EVC2: variants seen among roughly 807,000 people sequenced by gnomAD.
The protein encoded by EVC2 is limbin.
EVC2 carries 148 observed loss-of-function variants against 149.3 expected under a neutral mutation model. That is an observed-to-expected ratio of 0.99 (90% CI 0.87 to 1.14). The LOEUF is 1.14. EVC2 is among the 50% of genes most tolerant of loss of function. The pLI is 0.00. For missense variants in EVC2, 1,854 were observed against 1,627.3 expected (o/e 1.14, Z -2.40); for synonymous variants, 776 against 649.9 (o/e 1.19, Z -2.95).
intron 19 of EVC2, among the ~76,000 whole-genome samples, chr4:5,572,624 T>C (rs931033264): frequency 1.3e-5 from 2 of 152,224 alleles, no homozygotes; most frequent in Non-Finnish European, 2.9e-5. Context: ...AGAAAATTGA[T>C]AAAGAATTTC....
intron 17 of EVC2, among the ~76,000 whole-genome samples, chr4:5,580,712 G>A (rs1016895232): frequency 1.3e-5 from 2 of 152,174 alleles, no homozygotes; most frequent in Non-Finnish European, 2.9e-5. Flanking sequence ...GTGGGCTTTG[G>A]CTAAGTACTC....
rs948807311 is a variant in EVC2 at position 5,670,509 on chromosome 4, C to T, written c.871-4860G>A. On this transcript the variant is annotated intron_variant, in intron 7 of 21. Transcript: ENST00000344408. This position sits in a 1 kb window ranked among gnomAD's most constrained non-coding sequence, Gnocchi z 5.2. ...CCATCACCATCACCACCATCACCAT[C>T]GCCACCACGATTATCAACATCATCA... Among the ~76,000 whole-genome samples, 6 of 151,800 alleles carry T rather than the reference C, an allele frequency of 4.0e-5. No homozygotes were observed. The highest frequency in any genetic ancestry group is 1.3e-4 in the Admixed American group (2 of 15,258).
chr4:5,620,538 T>C (rs1169399051), intron 14 of EVC2, among the ~76,000 whole-genome samples: 1 of 152,220 alleles, frequency 6.6e-6, no homozygotes, highest in Non-Finnish European at 1.5e-5. Flanking sequence ...GGAAAGCTTC[T>C]AAAAATGTGT....
At chr4:5,610,390 G>A (rs1714720138) in intron 16 of EVC2, among the ~76,000 whole-genome samples, 1 of 152,152 alleles carries the variant, frequency 6.6e-6, no homozygotes, top group African/African-American at 2.4e-5. Flanking sequence ...AGGAAGGGAG[G>A]TAAGTTCTTC....
Position 5,569,927 on chromosome 4 carries a change from C to T in EVC2, c.3361-1287G>A, listed in dbSNP as rs1410855278. On this transcript the variant is annotated intron_variant, in intron 19 of 21. Coordinates refer to ENST00000344408, the MANE Select transcript of EVC2 (RefSeq NM_147127.5). The surrounding 1 kb of genome is among the most constrained non-coding windows in gnomAD (Gnocchi z 4.8). ...ACTGAAATACTTGTTCTTCCCTGAC[C>T]GTCCTGCTCGCCCAGGCCACTGAGC... Among the ~76,000 whole-genome samples, 1 of 152,138 alleles carries T rather than the reference C, an allele frequency of 6.6e-6. No homozygotes were observed. Among genetic ancestry groups the T allele is most frequent in the Non-Finnish European group, 1.5e-5 (1 of 68,018 alleles).
intron 1 of EVC2, among the ~76,000 whole-genome samples, chr4:5,706,966 G>A (rs1278762822): frequency 6.6e-6 from 1 of 152,114 alleles, no homozygotes. Context: ...TTCTGGCAGG[G>A]ACCACCCTCA....
intron 6 of EVC2, among the ~76,000 whole-genome samples, chr4:5,681,660 G>A (rs1720353594): frequency 6.6e-6 from 1 of 152,224 alleles, no homozygotes. Context: ...CTCCTTCACA[G>A]AGGTAGATGG....
intron 16 of EVC2, among the ~76,000 whole-genome samples, chr4:5,598,110 G>T (rs1027722062): frequency 6.7e-6 from 1 of 149,952 alleles, no homozygotes; most frequent in Non-Finnish European, 1.5e-5. Flanking sequence ...TCATGGGTAG[G>T]AAGAATCAAT....
chr4:5,550,443 T>G (rs553771969), intron 21 of EVC2, among the ~76,000 whole-genome samples: 1 of 152,204 alleles, frequency 6.6e-6, no homozygotes. Context: ...TCCTAGAGAT[T>G]TGTGGAACTC....
At chr4:5,556,473 A>G (rs1321935025) in intron 21 of EVC2, among the ~76,000 whole-genome samples, 1 of 152,056 alleles carries the variant, frequency 6.6e-6, no homozygotes, top group East Asian at 1.9e-4. Flanking sequence ...TATTAAATGC[A>G]TATATTAAAA....
chr4:5,703,300 T>A (rs1027078179), intron 1 of EVC2, among the ~76,000 whole-genome samples: 1 of 152,184 alleles, frequency 6.6e-6, no homozygotes, highest in Non-Finnish European at 1.5e-5. Context: ...ATCATCATCA[T>A]CTCTGATAAT....
upstream of EVC2, chr4:5,708,815 C>G (rs1044213588): frequency 3.0e-5 from 9 of 299,718 alleles, no homozygotes; most frequent in Middle Eastern, 9.0e-4. Context: ...AAGGGCCCCT[C>G]CGCTACCGCC....
At chr4:5,673,492 A>G (rs980307864) in intron 7 of EVC2, among the ~76,000 whole-genome samples, 9 of 152,220 alleles carry the variant, frequency 5.9e-5, no homozygotes, top group Admixed American at 3.9e-4. Context: ...CTGTAAGTAC[A>G]GATTCCAAAG....
chr4:5,641,472 C>T (rs561305220), intron 9 of EVC2, among the ~76,000 whole-genome samples: 14 of 152,250 alleles, frequency 9.2e-5, no homozygotes, highest in Non-Finnish European at 1.9e-4. Context: ...CGAAACTGCT[C>T]TAAAAATAAA....
chr4:5,692,885 AAAAAAG>A (rs1438447724), intron 3 of EVC2, among the ~76,000 whole-genome samples: 1 of 136,056 alleles, frequency 7.3e-6, no homozygotes, highest in Non-Finnish European at 1.5e-5. Flanking sequence ...AAAAAAAAAA[AAAAAAG>A]AAAAAAGAAA....
At chr4:5,708,085 C>A (rs923722642) in intron 1 of EVC2, 3 of 454,694 alleles carry the variant, frequency 6.6e-6, no homozygotes, top group South Asian at 6.2e-5. Flanking sequence ...AGCTGCCACA[C>A]CCCGAGGAAG....
rs376050796 is a variant in EVC2, at chr4:5,665,572, G to A, written c.948C>T (p.Ala316=). 6.1e-5 allele frequency: 99 copies of A among 1,614,050 alleles called. No homozygotes were observed. Among genetic ancestry groups the A allele is most frequent in the Non-Finnish European group, 7.8e-5 (92 of 1,180,038 alleles). ...FLLSLVLTWA[A]LFLMVRYQCL... is the part of the protein sequence containing the mutation. ...ACTGATAGCGAACCATGAGGAAGAG[G>A]GCAGCCCAGGTCAGCACAAGGGAGA... The change falls in exon 8 of 22, where the codon GCC becomes GCT. Residue 316 remains alanine (A), a synonymous_variant. Transcript: ENST00000344408.
chr4:5,532,835 G>A, the EVC2 span, among the ~76,000 whole-genome samples: 11 of 151,994 alleles, frequency 7.2e-5, no homozygotes, highest in Non-Finnish European at 1.5e-4. Flanking sequence ...CCAAGCATGC[G>A]AGCTGAGCAG....
intron 12 of EVC2, 130 bp from the exon 13 acceptor site, chr4:5,626,038 A>C: frequency 1.8e-6 from 2 of 1,103,916 alleles, no homozygotes; most frequent in Non-Finnish European, 2.7e-6. Context: ...CTCCAGAAGA[A>C]TTACAAGAAT....
Sources: gnomAD v4.1 joint callset for allele counts (sites outside exome capture counted in the v4.1 genomes callset) on GRCh38, gnomAD v4.1.1 for gene constraint, Gnocchi (gnomAD v3.1) non-coding constraint, MANE v1.5 for transcripts, NCBI Gene and HGNC (gene_info 2026-07-23, HGNC 2026-07-21) for gene names.